NPAT: variants seen among roughly 807,000 people sequenced by gnomAD.
NPAT encodes nuclear protein, coactivator of histone transcription.
NPAT carries 52 observed loss-of-function variants against 130.7 expected under a neutral mutation model. That is an observed-to-expected ratio of 0.40 (90% CI 0.32 to 0.50). NPAT has a LOEUF of 0.50. NPAT is among the 20% of genes least tolerant of loss of function. The pLI, the probability that NPAT is intolerant of heterozygous loss-of-function variation, is 0.68. For synonymous variants in NPAT, 580 were observed against 584.8 expected, an observed-to-expected ratio of 0.99 and a Z score of 0.12; for missense variants, 1,687 against 1,662.6, an observed-to-expected ratio of 1.01 and a Z score of -0.26.
intron 4 of NPAT, 62 bp downstream of exon 4, chr11:108,192,056 G>C: frequency 9.0e-7 from 1 of 1,116,354 alleles, no homozygotes; most frequent in Non-Finnish European, 1.4e-6. Context: ...GTCTTAAGAA[G>C]ATTTAAACCC....
At chr11:108,185,372 CAATT>C in intron 9 of NPAT, 27 bp downstream of exon 9, 1 of 1,577,436 alleles carries the variant, frequency 6.3e-7, no homozygotes, top group Non-Finnish European at 8.7e-7. Flanking sequence ...TAGGCAAAAA[CAATT>C]AGGCATTTTA....
In NPAT at chr11:108,173,127, T is replaced by C. The variant is rs560069993; in HGVS notation, c.1857A>G (p.Gly619=). The change falls in exon 13 of 18, where the codon GGA becomes GGG. Residue 619 remains glycine (G), a synonymous_variant. Coordinates refer to ENST00000278612, the MANE Select transcript of NPAT (RefSeq NM_002519.3). ...AATCTCCAAGATGAATTTCTACTTG[T>C]CCAGATACATTTAAATGTGAACTTT... is the stretch of plus-strand genomic sequence containing the variant. ...SVESSHLNVS[G]QVEIHLGDSL... 7 of 1,613,938 alleles carry C rather than the reference T, an allele frequency of 4.3e-6. No homozygotes were observed. In the African/African-American group the frequency reaches 6.7e-5, roughly 15 times the overall value.
intron 15 of NPAT, among the ~76,000 whole-genome samples, chr11:108,164,309 G>C (rs2077880405): frequency 1.3e-5 from 2 of 152,208 alleles, no homozygotes; most frequent in African/African-American, 2.4e-5. Flanking sequence ...TTAAGTGGTA[G>C]GGAATGGTAG....
intron 1 of NPAT, among the ~76,000 whole-genome samples, chr11:108,216,985 C>T (rs2078441122): frequency 6.6e-6 from 1 of 152,098 alleles, no homozygotes; most frequent in Admixed American, 6.6e-5. Flanking sequence ...TCATTTTGTT[C>T]AATGTTTTTG....
intron 15 of NPAT, among the ~76,000 whole-genome samples, chr11:108,165,474 T>TA (rs1482555160): frequency 2.2e-3 from 231 of 105,814 alleles, no homozygotes; most frequent in South Asian, 4.5e-3. Context: ...ATATATATAT[T>TA]TTTTTTTTGT....
rs757115480 is a variant in NPAT at position 108,188,091 on chromosome 11, C to G, written c.638+7G>C. The G allele has an allele frequency of 6.3e-7, 1 of 1,594,132 alleles. No individual in the cohort carries two copies. Among genetic ancestry groups the G allele is most frequent in the Non-Finnish European group, 8.6e-7 (1 of 1,164,430 alleles). Reference sequence around the variant, plus strand: ...CGGGTAACTTGTCTCTTTTAAAAAGCATTTACCTTTTGCGTCTACCGGGAG... The same window carrying G: ...CGGGTAACTTGTCTCTTTTAAAAAGGATTTACCTTTTGCGTCTACCGGGAG... On this transcript the variant is annotated splice_region_variant and intron_variant, in intron 7 of 17. Coordinates refer to ENST00000278612, the MANE Select transcript of NPAT (RefSeq NM_002519.3).
rs1165640421 is a variant in NPAT at position 108,165,972 on chromosome 11, CAG to C, written c.3010+3770_3010+3771del. On this transcript the variant is annotated intron_variant, in intron 15 of 17. Transcript: ENST00000278612. ...TTTTTAAAAAAAAATTCTGTAAAGA[CAG>C]AGTCTCATTATGTTGCATAGGCTGA... 5.1e-5 allele frequency among the ~76,000 whole-genome samples: 7 copies of C among 137,666 alleles called. No homozygotes were observed. The South Asian group carries it at 9.4e-4, about 18-fold the overall frequency. 90.3% of individuals were successfully genotyped at this position (137,666 alleles called of 152,430 possible). A position where few individuals can be genotyped will look rare whatever the true frequency, so the allele number is the denominator to read the frequency against.
chr11:108,204,175 C>G (rs11827378), intron 1 of NPAT, among the ~76,000 whole-genome samples: 3,303 of 152,264 alleles, frequency 0.022, 121 homozygotes, highest in African/African-American at 0.075. Context: ...AATTCCCAGG[C>G]AGACAGGGGT....
rs1283481700 is a variant in NPAT at position 108,172,675 on chromosome 11, G to T, written c.2309C>A (p.Thr770Asn). The change falls in exon 13 of 18, where the codon ACT becomes AAT. Residue 770 changes from threonine to asparagine, a missense_variant. Physicochemically the swap from Thr to Asn is moderately conservative, Grantham distance 65. Around this residue, in one of 3 missense-constraint regions of NPAT, gnomAD observed 1,379 missense variants for 1,346.6 expected, o/e 1.02. Coordinates refer to ENST00000278612, the MANE Select transcript of NPAT (RefSeq NM_002519.3). ...VSSINGENLP[T>N]IILSSPTKSP... ...TTTAGTAGGAGAAGACAAGATTATA[G>T]TTGGCAGGTTTTCTCCATTAATACT... 1 of 1,613,924 alleles carries T rather than the reference G, an allele frequency of 6.2e-7. No homozygotes were observed. Among genetic ancestry groups the T allele is most frequent in the Non-Finnish European group, 8.5e-7 (1 of 1,179,964 alleles).
chr11:108,184,951 T>C (rs17107775), intron 10 of NPAT, among the ~76,000 whole-genome samples: 2,122 of 152,326 alleles, frequency 0.014, 48 homozygotes, highest in African/African-American at 0.045. Context: ...CACACAAATA[T>C]ACCCACTAAT....
intron 10 of NPAT, among the ~76,000 whole-genome samples, chr11:108,180,628 T>A (rs1256662835): frequency 6.6e-6 from 1 of 152,172 alleles, no homozygotes; most frequent in Non-Finnish European, 1.5e-5. Flanking sequence ...ACAGCTGCTA[T>A]GAGAAACATT....
At chr11:108,192,093 T>TA in intron 4 of NPAT, 25 bp downstream of exon 4, 1 of 1,474,776 alleles carries the variant, frequency 6.8e-7, no homozygotes, top group South Asian at 1.1e-5. Flanking sequence ...CCAAAATCAT[T>TA]AGGCACATTC....
Position 108,161,649 on chromosome 11 carries a change from G to C in NPAT, c.3437C>G (p.Ser1146Ter). The C allele has an allele frequency of 6.2e-7, 1 of 1,614,032 alleles. No homozygotes were observed. Among genetic ancestry groups the C allele is most frequent in the Non-Finnish European group, 8.5e-7 (1 of 1,180,014 alleles). ...TTCTGTTGGTGAAACTTTCTTTTCTGATTGAGTTTCTCTTATGGTGGTATG... is the reference window on the plus strand; with the variant it reads ...TTCTGTTGGTGAAACTTTCTTTTCTCATTGAGTTTCTCTTATGGTGGTATG... Reference protein sequence around the residue: ...SRHTTIRETQSEKKVSPTEIV... With the variant: ...SRHTTIRETQ The change falls in exon 17 of 18, where the codon TCA becomes TGA. Residue 1146 changes from serine (S) to a stop codon, truncating the protein, a stop_gained. Coordinates refer to ENST00000278612, the MANE Select transcript of NPAT (RefSeq NM_002519.3). LOFTEE classifies it high-confidence loss of function.
At chr11:108,196,568 A>G (rs2078223214) in intron 2 of NPAT, among the ~76,000 whole-genome samples, 1 of 152,206 alleles carries the variant, frequency 6.6e-6, no homozygotes, top group South Asian at 2.1e-4. Flanking sequence ...TGTACACACA[A>G]TACAATTCTC....
intron 15 of NPAT, among the ~76,000 whole-genome samples, chr11:108,166,023 T>G (rs571859343): frequency 0.011 from 1,737 of 151,630 alleles, 35 homozygotes; most frequent in African/African-American, 0.04. Flanking sequence ...GGCTCAGTGA[T>G]CCACCTGTCT....
At chr11:108,184,656 G>C (rs550909990) in intron 10 of NPAT, among the ~76,000 whole-genome samples, 2 of 152,116 alleles carry the variant, frequency 1.3e-5, no homozygotes, top group Non-Finnish European at 2.9e-5. Flanking sequence ...TCAGCCACCC[G>C]AGCTGCTGGG....
chr11:108,170,295 T>C (rs185201237), intron 13 of NPAT: 1 of 437,650 alleles, frequency 2.3e-6, no homozygotes, highest in African/African-American at 2.0e-5. Flanking sequence ...CTTAATGTTA[T>C]TCAGTCAGTG....
intron 1 of NPAT, among the ~76,000 whole-genome samples, chr11:108,213,488 G>A (rs986015028): frequency 5.3e-5 from 8 of 152,098 alleles, no homozygotes; most frequent in Non-Finnish European, 1.0e-4. Flanking sequence ...ACTGGAAAAC[G>A]TCACTGGAGG....
In NPAT at chr11:108,173,086, T is replaced by G. The variant is rs1214445879; in HGVS notation, c.1898A>C (p.Lys633Thr). ...IHLGDSLSST[K>T]QPSNDSASVE... is the part of the protein sequence containing the mutation. Reference sequence around the variant, plus strand: ...AGATGCTGAATCATTAGATGGTTGTTTAGTAGAAGACAGCGAATCTCCAAG... The same window carrying G: ...AGATGCTGAATCATTAGATGGTTGTGTAGTAGAAGACAGCGAATCTCCAAG... Residue 633 changes from lysine to threonine, a missense_variant, in exon 13 of 18, where the codon AAA becomes ACA. Coordinates refer to ENST00000278612, the MANE Select transcript of NPAT (RefSeq NM_002519.3). 1.2e-6 allele frequency: 2 copies of G among 1,614,130 alleles called. No homozygotes were observed. Among genetic ancestry groups the G allele is most frequent in the Non-Finnish European group, 1.7e-6 (2 of 1,180,016 alleles).
Sources: allele counts gnomAD v4.1 joint callset (sites outside exome capture counted in the v4.1 genomes callset), GRCh38; gene constraint gnomAD v4.1.1; regional missense constraint gnomAD v4.1.1; transcripts MANE v1.5; gene names NCBI Gene and HGNC (gene_info 2026-07-23, HGNC 2026-07-21).